Variants in ADAM32 observed in about 807,000 individuals in gnomAD.
ADAM32 encodes disintegrin and metalloproteinase domain-containing protein 32.
A neutral mutation model predicts 114.9 loss-of-function variants in ADAM32; 89 were observed. The observed-to-expected ratio is 0.77, with a 90% CI of 0.65 to 0.92. ADAM32 has a LOEUF of 0.92. Among genes scored for constraint, ADAM32 ranks in the 40% least tolerant of loss-of-function variants. ADAM32 has a pLI of 0.00. For missense variants in ADAM32, 870 were observed against 932.8 expected, an observed-to-expected ratio of 0.93 and a Z score of 0.88; for synonymous variants, 285 against 307.5, an observed-to-expected ratio of 0.93 and a Z score of 0.77.
chr8:39,165,396 C>A, intron 9 of ADAM32, 200 bp downstream of exon 9: 1 of 444,132 alleles, frequency 2.3e-6, no homozygotes, highest in Non-Finnish European at 3.8e-6. Context: ...GCTAATAAAG[C>A]TTTTATAAAT....
At position 39,237,729 on chromosome 8, in the gene ADAM32, C is replaced by T. The variant is rs908404188; in HGVS notation, c.1818+3647C>T. On this transcript the variant is annotated intron_variant, in intron 16 of 24. Coordinates refer to ENST00000379907, the MANE Select transcript of ADAM32 (RefSeq NM_145004.7). ...ATCCACCACAACGGCCATAGCAAGCCCTACCCAAGGAGAGTTTGAGCTCAG... is the reference window on the plus strand; with the variant it reads ...ATCCACCACAACGGCCATAGCAAGCTCTACCCAAGGAGAGTTTGAGCTCAG... Among the ~76,000 whole-genome samples the T allele has an allele frequency of 2.6e-5, 4 of 152,162 alleles. No homozygotes were observed. The East Asian group carries it at 7.7e-4, about 29-fold the overall frequency.
At chr8:39,253,266 A>C (rs542657568) in intron 17 of ADAM32, among the ~76,000 whole-genome samples, 54 of 151,670 alleles carry the variant, frequency 3.6e-4, no homozygotes, top group African/African-American at 1.2e-3. Flanking sequence ...ATAAAAACTC[A>C]ATACGTTAGG....
chr8:39,254,461 TC>T lies in ADAM32; in HGVS notation c.1952del (p.Pro651GlnfsTer35). The T allele has an allele frequency of 1.2e-6, 2 of 1,602,994 alleles. No homozygotes were observed. The highest frequency in any genetic ancestry group is 1.1e-5 in the South Asian group (1 of 88,686). Reference protein sequence around the residue: ...KCHCSPGYKPPNCQIRSKGFS... With the variant: ...KCHCSPGYKPXNCQIRSKGFS... ...GCCATTGTTCGCCAGGCTATAAGCC[TC>T]CAAACTGCCAAATACGTTCCAAAGG... On this transcript the variant is annotated frameshift_variant, in exon 18 of 25. Transcript: ENST00000379907. LOFTEE classifies it high-confidence loss of function.
chr8:39,283,495 G>C, intron 23 of ADAM32, 91 bp from the exon 24 acceptor site: 1 of 970,828 alleles, frequency 1.0e-6, no homozygotes, highest in Non-Finnish European at 1.5e-6. Context: ...TGAACGGAAA[G>C]AGGAAGAAAT....
intron 6 of ADAM32, among the ~76,000 whole-genome samples, chr8:39,153,009 G>A (rs1185045609): frequency 6.6e-6 from 1 of 152,188 alleles, no homozygotes; most frequent in Non-Finnish European, 1.5e-5. Context: ...CGCCATACAG[G>A]TAGCAGAGAA....
chr8:39,130,954 G>GT, intron 2 of ADAM32: 6 of 337,662 alleles, frequency 1.8e-5, no homozygotes, highest in South Asian at 2.1e-5. Context: ...GCAGGAGGAT[G>GT]TCTTTTTTTT....
intron 3 of ADAM32, among the ~76,000 whole-genome samples, chr8:39,144,848 T>C (rs913496424): frequency 4.6e-5 from 7 of 152,168 alleles, no homozygotes; most frequent in Non-Finnish European, 5.9e-5. Context: ...GGCATCCTAA[T>C]GGGAAAGAGA....
intron 7 of ADAM32, among the ~76,000 whole-genome samples, chr8:39,162,119 T>C (rs1804546149): frequency 6.6e-6 from 1 of 150,488 alleles, no homozygotes; most frequent in Non-Finnish European, 1.5e-5. Context: ...CATTAACTCA[T>C]CATTTACATT....
intron 11 of ADAM32, among the ~76,000 whole-genome samples, chr8:39,197,657 A>T (rs900256908): frequency 6.6e-6 from 1 of 151,920 alleles, no homozygotes; most frequent in African/African-American, 2.4e-5. Context: ...TTTTACTTTT[A>T]TTTCATATGG....
intron 3 of ADAM32, among the ~76,000 whole-genome samples, chr8:39,142,714 G>A (rs1803241999): frequency 6.6e-6 from 1 of 152,058 alleles, no homozygotes; most frequent in African/African-American, 2.4e-5. Flanking sequence ...TATCTTTGTG[G>A]TGTTCTTTGT....
chr8:39,233,298 G>A (rs1337801564), intron 15 of ADAM32, among the ~76,000 whole-genome samples: 1 of 152,150 alleles, frequency 6.6e-6, no homozygotes, highest in African/African-American at 2.4e-5. Context: ...TTATTCATGA[G>A]TTTTCCAGGA....
At chr8:39,238,908 T>C (rs995863575) in intron 16 of ADAM32, among the ~76,000 whole-genome samples, 3 of 151,918 alleles carry the variant, frequency 2.0e-5, no homozygotes, top group African/African-American at 7.2e-5. Context: ...AAAGCCTCCA[T>C]GAAGTTTGGG....
At position 39,245,148 on chromosome 8, in the gene ADAM32, T is replaced by C. The variant is rs540063041; in HGVS notation, c.1819-935T>C. On this transcript the variant is annotated intron_variant, in intron 16 of 24. Transcript: ENST00000379907. ...CTTAAAAAGGAACAAAATAATGACA[T>C]TTTACAGCAACCTGGATGGAGTTGG... Among the ~76,000 whole-genome samples, 4 of 152,180 alleles carry C rather than the reference T, an allele frequency of 2.6e-5. No individual in the cohort carries two copies. The South Asian group carries it at 6.2e-4, about 24-fold the overall frequency.
chr8:39,226,086 T>C (rs1430862413), intron 14 of ADAM32, among the ~76,000 whole-genome samples: 1 of 151,460 alleles, frequency 6.6e-6, no homozygotes, highest in East Asian at 1.9e-4. Flanking sequence ...AAGAACACAA[T>C]GAATAACATT....
intron 11 of ADAM32, among the ~76,000 whole-genome samples, chr8:39,205,416 C>T (rs555206595): frequency 6.6e-6 from 1 of 152,326 alleles, no homozygotes; most frequent in South Asian, 2.1e-4. Flanking sequence ...GGGCGTGGGA[C>T]CCTCTGAGCC....
At chr8:39,134,564 A>G (rs4601278) in intron 2 of ADAM32, among the ~76,000 whole-genome samples, 43,321 of 151,904 alleles carry the variant, frequency 0.29, 6,221 homozygotes, top group Middle Eastern at 0.34. Context: ...TCTGTTTGAC[A>G]TGTGCTTATC....
chr8:39,282,573 G>T (rs1030080686), intron 23 of ADAM32, among the ~76,000 whole-genome samples: 1 of 152,180 alleles, frequency 6.6e-6, no homozygotes, highest in Non-Finnish European at 1.5e-5. Context: ...AAGGTATTTG[G>T]TGATTATTCT....
chr8:39,168,528 G>C (rs1203749183), intron 9 of ADAM32: 1 of 152,168 alleles, frequency 6.6e-6, no homozygotes, highest in Non-Finnish European at 1.5e-5. Flanking sequence ...TGCTGAGTTG[G>C]TCATGACCCT....
chr8:39,184,120 A>T (rs1210532780), intron 10 of ADAM32, among the ~76,000 whole-genome samples: 1 of 152,228 alleles, frequency 6.6e-6, no homozygotes, highest in Non-Finnish European at 1.5e-5. Context: ...TCAGATGATA[A>T]TTTACAGTCA....
Sources: allele counts gnomAD v4.1 joint callset (sites outside exome capture counted in the v4.1 genomes callset), GRCh38; gene constraint gnomAD v4.1.1; transcripts MANE v1.5; gene names NCBI Gene and HGNC (gene_info 2026-07-23, HGNC 2026-07-21).